Variants in GSE1 observed in about 807,000 individuals in gnomAD.
The protein encoded by GSE1 is Gse1 coiled-coil protein, also known as genetic suppressor element 1.
A neutral mutation model predicts 112.6 loss-of-function variants in GSE1; 32 were observed. The observed-to-expected ratio is 0.28, with a 90% CI of 0.21 to 0.38. The LOEUF (loss-of-function observed/expected upper bound fraction) is 0.38. Among genes scored for constraint, GSE1 ranks in the 10% least tolerant of loss-of-function variants. The pLI is 1.00. For synonymous variants in GSE1, 1,115 were observed against 735.6 expected, an observed-to-expected ratio of 1.52 and a Z score of -8.35; for missense variants, 2,348 against 1,699.2, an observed-to-expected ratio of 1.38 and a Z score of -6.71.
At chr16:85,316,706 C>A (rs1171959838) in intron 1 of GSE1, among the ~76,000 whole-genome samples, 3 of 152,226 alleles carry the variant, frequency 2.0e-5, no homozygotes, top group Non-Finnish European at 4.4e-5. Flanking sequence ...TGCAGTAGAT[C>A]GAGTCCCAAC....
chr16:85,663,675 C>G (rs1372395663), intron 11 of GSE1, 61 bp downstream of exon 11: 3 of 1,527,334 alleles, frequency 2.0e-6, no homozygotes, highest in East Asian at 4.5e-5. Context: ...GTTTCTGAAG[C>G]AGCAGGTGGG....
chr16:85,497,977 C>T (rs1316602283), intron 2 of GSE1, among the ~76,000 whole-genome samples: 4 of 149,676 alleles, frequency 2.7e-5, no homozygotes, highest in Non-Finnish European at 4.5e-5. Flanking sequence ...GGTGGGGGAG[C>T]GGGCGACGAG....
Position 85,602,357 on chromosome 16 carries a change from TGTG to T in GSE1, c.37+45997_37+45999del, listed in dbSNP as rs545763954. On this transcript the variant is annotated intron_variant, in intron 1 of 2. Coordinates refer to the GSE1 transcript ENST00000635906. Reference sequence around the variant, plus strand: ...AAAAGAACTTCGAAGGCTTTTAACATGTGGTAGAAAATCAGGGAACAGGGACCC... The same window carrying T: ...AAAAGAACTTCGAAGGCTTTTAACATGTAGAAAATCAGGGAACAGGGACCC... 5.9e-5 allele frequency among the ~76,000 whole-genome samples: 9 copies of T among 152,220 alleles called. No individual in the cohort carries two copies. In the South Asian group the frequency reaches 1.7e-3, roughly 28 times the overall value.
intron 1 of GSE1, among the ~76,000 whole-genome samples, chr16:85,208,933 G>A (rs888795292): frequency 1.1e-4 from 16 of 149,806 alleles, no homozygotes; most frequent in Admixed American, 9.3e-4. Flanking sequence ...GGGTTCGCCT[G>A]TGTTGGGGTT....
intron 2 of GSE1, among the ~76,000 whole-genome samples, chr16:85,521,897 G>A (rs1285121520): frequency 6.6e-6 from 1 of 152,236 alleles, no homozygotes; most frequent in African/African-American, 2.4e-5. Flanking sequence ...TGAGGTCCCG[G>A]CAGTGCCAAG....
At chr16:85,636,076 C>T (rs573507758) in intron 2 of GSE1, among the ~76,000 whole-genome samples, 25 of 152,246 alleles carry the variant, frequency 1.6e-4, no homozygotes, top group Non-Finnish European at 2.8e-4. Context: ...TGCCGCTGGG[C>T]GCCCCTGGCG....
chr16:85,174,532 C>A (rs539434137), intron 1 of GSE1, among the ~76,000 whole-genome samples: 1 of 152,226 alleles, frequency 6.6e-6, no homozygotes, highest in African/African-American at 2.4e-5. Context: ...CCTCCCTCCC[C>A]CTCCTTCCCA....
intron 2 of GSE1, among the ~76,000 whole-genome samples, chr16:85,434,809 T>C (rs2049206024): frequency 6.6e-6 from 1 of 152,202 alleles, no homozygotes; most frequent in East Asian, 1.9e-4. Flanking sequence ...AGTGAGACTC[T>C]GCCTCAAAAA....
chr16:85,424,779 A>G (rs981102931), intron 2 of GSE1, among the ~76,000 whole-genome samples: 1 of 151,754 alleles, frequency 6.6e-6, no homozygotes, highest in Admixed American at 6.6e-5. Flanking sequence ...CACCCCCCTC[A>G]CCACCCCCTC....
At chr16:85,590,768 C>T (rs1342799242) in intron 1 of GSE1, among the ~76,000 whole-genome samples, 1 of 152,274 alleles carries the variant, frequency 6.6e-6, no homozygotes, top group South Asian at 2.1e-4. Context: ...GTGTTGGGCT[C>T]CCGCCCGGCC....
intron 1 of GSE1, among the ~76,000 whole-genome samples, chr16:85,574,828 C>A (rs1010867545): frequency 1.3e-5 from 2 of 152,246 alleles, no homozygotes; most frequent in African/African-American, 4.8e-5. Flanking sequence ...CAGCAGGCAT[C>A]GGTCACGGAC....
chr16:85,618,013 C>T (rs570786978), intron 1 of GSE1, among the ~76,000 whole-genome samples: 4 of 152,200 alleles, frequency 2.6e-5, no homozygotes, highest in Non-Finnish European at 5.9e-5. Flanking sequence ...TCATTCTTGC[C>T]TGGCCCAGGT....
At chr16:85,359,429 T>C (rs1302691739) in intron 2 of GSE1, 1 of 455,698 alleles carries the variant, frequency 2.2e-6, no homozygotes, top group African/African-American at 2.0e-5. Flanking sequence ...TTGGCTGTGG[T>C]TTGGGGAGCA....
chr16:85,217,969 T>C (rs1295813132), intron 1 of GSE1, among the ~76,000 whole-genome samples: 2 of 152,074 alleles, frequency 1.3e-5, no homozygotes, highest in African/African-American at 4.8e-5. Flanking sequence ...GGCGCGATCT[T>C]GGCCCACTGC....
At chr16:85,516,113 G>T (rs957662107) in intron 2 of GSE1, among the ~76,000 whole-genome samples, 3 of 152,298 alleles carry the variant, frequency 2.0e-5, no homozygotes, top group African/African-American at 7.2e-5. Flanking sequence ...AGCTTCCCCA[G>T]AGCTAAGTCT....
intron 2 of GSE1, among the ~76,000 whole-genome samples, chr16:85,537,152 G>A (rs752648983): frequency 1.6e-4 from 24 of 152,318 alleles, no homozygotes; most frequent in Admixed American, 1.3e-3. Context: ...TCTGAGCAGC[G>A]TTTGGTCGGA....
exon 1 of GSE1, chr16:85,169,921 G>A: frequency 1.0e-6 from 1 of 984,458 alleles, no homozygotes; most frequent in Non-Finnish European, 1.2e-6. Context: ...TGGCGGCGCC[G>A]GGGCCCCCCG....
exon 1 of GSE1, chr16:85,169,651 C>A (rs2074327637): frequency 1.0e-6 from 1 of 983,470 alleles, no homozygotes; most frequent in Admixed American, 6.2e-5. Context: ...CGGCAAGGAG[C>A]TGAAGCTGCA....
At chr16:85,502,481 C>T (rs2051402502) in intron 2 of GSE1, among the ~76,000 whole-genome samples, 1 of 152,212 alleles carries the variant, frequency 6.6e-6, no homozygotes, top group Admixed American at 6.5e-5. Context: ...TTCCAAAGTT[C>T]CCGCTATTAC....
Sources: gnomAD v4.1 joint callset for allele counts (sites outside exome capture counted in the v4.1 genomes callset) on GRCh38, gnomAD v4.1.1 for gene constraint, MANE v1.5 for transcripts, NCBI Gene and HGNC (gene_info 2026-07-23, HGNC 2026-07-21) for gene names.